Variants in ASTN2 observed in about 807,000 individuals in gnomAD.
The protein encoded by ASTN2 is astrotactin 2.
ASTN2 carries 54 observed loss-of-function variants against 139.8 expected under a neutral mutation model. That is an observed-to-expected ratio of 0.39 (90% confidence interval 0.31 to 0.48). ASTN2 has a LOEUF of 0.48. Ranked by LOEUF, ASTN2 falls within the 20% of genes least tolerant of loss-of-function variation. ASTN2 has a pLI of 0.95. For missense variants in ASTN2, 1,565 were observed against 1,725.1 expected, an observed-to-expected ratio of 0.91 and a Z score of 1.64; for synonymous variants, 756 against 719.5, an observed-to-expected ratio of 1.05 and a Z score of -0.81.
chr9:117,300,858 C>T (rs1834858675), intron 1 of ASTN2, among the ~76,000 whole-genome samples: 1 of 152,174 alleles, frequency 6.6e-6, no homozygotes, highest in Non-Finnish European at 1.5e-5. Context: ...AGTCTCCAGA[C>T]TCCAGAGGTG....
At chr9:117,301,693 T>C (rs1834879272) in intron 1 of ASTN2, among the ~76,000 whole-genome samples, 1 of 152,210 alleles carries the variant, frequency 6.6e-6, no homozygotes, top group South Asian at 2.1e-4. Context: ...TCCAGGTCAC[T>C]CAGGTGCTCT....
intron 4 of ASTN2, among the ~76,000 whole-genome samples, chr9:117,110,403 A>T (rs1829221385): frequency 6.6e-6 from 1 of 152,206 alleles, no homozygotes; most frequent in Non-Finnish European, 1.5e-5. Context: ...AATCGCCTTA[A>T]TATCCAACTT....
chr9:117,159,491 C>A (rs1179504939), intron 3 of ASTN2, among the ~76,000 whole-genome samples: 1 of 152,002 alleles, frequency 6.6e-6, no homozygotes, highest in Non-Finnish European at 1.5e-5. Flanking sequence ...GTGTGGGGAG[C>A]TGAGCTTGAT....
chr9:117,019,542 C>T (rs993545016), intron 6 of ASTN2, among the ~76,000 whole-genome samples: 3 of 152,096 alleles, frequency 2.0e-5, no homozygotes, highest in Admixed American at 2.0e-4. Context: ...AGCCTTTCAC[C>T]AGCCAAGTCC....
chr9:116,940,040 A>G (rs947261418), intron 10 of ASTN2, among the ~76,000 whole-genome samples: 1 of 152,244 alleles, frequency 6.6e-6, no homozygotes. Context: ...TGTACAGTAC[A>G]TAATACTGGA....
intron 11 of ASTN2, among the ~76,000 whole-genome samples, chr9:116,837,416 G>A (rs367893297): frequency 4.1e-4 from 63 of 152,232 alleles, no homozygotes; most frequent in African/African-American, 1.1e-3. Context: ...AAGACCTAGC[G>A]GGGAGGGAGA....
intron 6 of ASTN2, among the ~76,000 whole-genome samples, chr9:117,031,100 T>C (rs560040939): frequency 1.3e-5 from 2 of 152,284 alleles, no homozygotes; most frequent in African/African-American, 4.8e-5. Context: ...TTCTGGGCTC[T>C]GGGATGAAGC....
chr9:116,750,494 G>T (rs543948951), intron 13 of ASTN2, among the ~76,000 whole-genome samples: 1 of 152,164 alleles, frequency 6.6e-6, no homozygotes, highest in South Asian at 2.1e-4. Context: ...TGCAAAATGA[G>T]AAACCTGCTA....
intron 10 of ASTN2, among the ~76,000 whole-genome samples, chr9:116,901,975 A>G (rs1834021460): frequency 6.6e-6 from 1 of 152,358 alleles, no homozygotes; most frequent in East Asian, 1.9e-4. Context: ...CAGTGAGCCA[A>G]GATCATGCCA....
At chr9:117,412,806 C>A (rs1831204847) in intron 1 of ASTN2, among the ~76,000 whole-genome samples, 1 of 152,102 alleles carries the variant, frequency 6.6e-6, no homozygotes, top group African/African-American at 2.4e-5. Flanking sequence ...CTAGAAAGAC[C>A]CTTCCCCACG....
At position 117,414,785 on chromosome 9, in the gene ASTN2, TGGCGCCGGCCAGCAGCGGCGGC is replaced by T; in HGVS notation, c.132_153del (p.Leu48ProfsTer11). The stretch of plus-strand genomic sequence containing the variant: ...TCGGGCTCCCGCGAGGCAGCGGCGG[TGGCGCCGGCCAGCAGCGGCGGC>T]GGCGGCAGCAGGAGCAGGAACAGCA... On this transcript the variant is annotated frameshift_variant, in exon 1 of 23. Transcript: ENST00000313400. LOFTEE classifies it high-confidence loss of function. The surrounding 1 kb of genome is among the most constrained non-coding windows in gnomAD (Gnocchi z 4.2). 8.0e-7 allele frequency: 1 copy of T among 1,253,200 alleles called. No individual in the cohort carries two copies. The highest frequency in any genetic ancestry group is 3.7e-5 in the East Asian group (1 of 27,288). The allele number at this position is 1,253,200 out of a possible 1,614,324, so 77.6% of individuals were successfully genotyped here.
rs1257343168 is a variant in ASTN2 at position 116,842,071 on chromosome 9, G to C, written c.2041-21288C>G. The stretch of plus-strand genomic sequence containing the variant: ...TGAACCACATGGAGGTGGCTTGTCT[G>C]TGGTGTTACAAGTGGTTCAGACTGG... On this transcript the variant is annotated intron_variant, in intron 11 of 22. Transcript: ENST00000313400. Among the ~76,000 whole-genome samples the C allele has an allele frequency of 2.0e-5, 3 of 152,166 alleles. No homozygotes were observed. In the East Asian group the frequency reaches 5.8e-4, roughly 29 times the overall value.
intron 1 of ASTN2, among the ~76,000 whole-genome samples, chr9:117,352,876 C>T (rs1376341145): frequency 2.0e-5 from 3 of 152,086 alleles, no homozygotes; most frequent in Admixed American, 6.5e-5. Flanking sequence ...ATGGATGAAG[C>T]TTTAAGACAC....
intron 12 of ASTN2, among the ~76,000 whole-genome samples, chr9:116,808,133 A>G (rs1488298752): frequency 1.3e-5 from 2 of 152,044 alleles, no homozygotes; most frequent in Admixed American, 6.6e-5. Context: ...ACAAAACAAA[A>G]CAAGACAAAA....
At chr9:117,296,296 A>AG (rs1834734073) in intron 1 of ASTN2, among the ~76,000 whole-genome samples, 1 of 147,820 alleles carries the variant, frequency 6.8e-6, no homozygotes, top group Non-Finnish European at 1.5e-5. Context: ...AAAAAAAAAA[A>AG]AAAAAAAGAA....
chr9:117,344,179 C>T (rs543309203), intron 1 of ASTN2, among the ~76,000 whole-genome samples: 15 of 138,010 alleles, frequency 1.1e-4, no homozygotes, highest in African/African-American at 3.7e-4. Flanking sequence ...CACAAAAGCA[C>T]GTGGAGAAAA....
intron 1 of ASTN2, among the ~76,000 whole-genome samples, chr9:117,300,163 C>T (rs746328809): frequency 3.9e-5 from 6 of 152,178 alleles, no homozygotes; most frequent in Admixed American, 6.6e-5. Context: ...CTGAAATGTG[C>T]CAGGCACAGT....
intron 10 of ASTN2, among the ~76,000 whole-genome samples, chr9:116,881,982 TAATTGTAA>T (rs1205314182): frequency 1.3e-5 from 2 of 152,222 alleles, no homozygotes; most frequent in Non-Finnish European, 2.9e-5. Context: ...TGATCATCAA[TAATTGTAA>T]AATTGTTAAG....
rs530665527 is a variant in ASTN2, at chr9:116,884,877, G to T, written c.1890-21144C>A. On this transcript the variant is annotated intron_variant, in intron 10 of 22. Coordinates refer to ENST00000313400, the MANE Select transcript of ASTN2 (RefSeq NM_001365068.1). ...TTCACCCAGGCCAGACTGCAGTGGC[G>T]CTATCTTGGCTCACTGCAAGCTCCG... is the stretch of plus-strand genomic sequence containing the variant. 4.7e-4 allele frequency among the ~76,000 whole-genome samples: 64 copies of T among 136,942 alleles called. 2 individuals are homozygous for T. In the South Asian group the frequency reaches 0.015, roughly 32 times the overall value. 89.8% of individuals were successfully genotyped at this position (136,942 alleles called of 152,430 possible). A position where few individuals can be genotyped will look rare whatever the true frequency, so the allele number is the denominator to read the frequency against.
Sources: allele counts gnomAD v4.1 joint callset (sites outside exome capture counted in the v4.1 genomes callset), GRCh38; gene constraint gnomAD v4.1.1; non-coding constraint Gnocchi (gnomAD v3.1); transcripts MANE v1.5; gene names NCBI Gene and HGNC (gene_info 2026-07-23, HGNC 2026-07-21).